CEP112: variants seen among roughly 807,000 people sequenced by gnomAD.
The protein encoded by CEP112 is centrosomal protein 112.
In CEP112, 127 loss-of-function variants were observed where a neutral mutation model predicts 153.0. The observed-to-expected ratio is 0.83, with a 90% CI of 0.72 to 0.96. The LOEUF is 0.96. CEP112 is among the 40% of genes least tolerant of loss of function. The pLI, the probability that CEP112 is intolerant of heterozygous loss-of-function variation, is 0.00. For synonymous variants in CEP112, 358 were observed against 374.4 expected (o/e 0.96, Z 0.51); for missense variants, 1,089 against 1,101.2 (o/e 0.99, Z 0.16).
chr17:65,722,826 T>C (rs2049969218), intron 23 of CEP112, among the ~76,000 whole-genome samples: 1 of 152,164 alleles, frequency 6.6e-6, no homozygotes, highest in Non-Finnish European at 1.5e-5. Context: ...AAATGGGGCA[T>C]AGGATCTGAA....
intron 23 of CEP112, among the ~76,000 whole-genome samples, chr17:65,701,632 A>G (rs1466489717): frequency 2.0e-5 from 3 of 152,120 alleles, no homozygotes; most frequent in Non-Finnish European, 4.4e-5. Context: ...GATCGCACAA[A>G]TCCTCTAATC....
intron 23 of CEP112, among the ~76,000 whole-genome samples, chr17:65,730,245 C>T (rs574222755): frequency 6.6e-6 from 1 of 152,258 alleles, no homozygotes; most frequent in Non-Finnish European, 1.5e-5. Context: ...CGGAGGGAAG[C>T]TTTGGGGTAA....
intron 20 of CEP112, among the ~76,000 whole-genome samples, chr17:65,855,017 T>C (rs2058079754): frequency 6.6e-6 from 1 of 152,152 alleles, no homozygotes; most frequent in African/African-American, 2.4e-5. Flanking sequence ...GCTGGCTCCC[T>C]TCCCCAAAAT....
intron 16 of CEP112, among the ~76,000 whole-genome samples, chr17:66,025,920 T>TATACACACACACACACACAC (rs1555773330): frequency 8.0e-6 from 1 of 124,520 alleles, no homozygotes; most frequent in Non-Finnish European, 1.7e-5. Flanking sequence ...AAATGTGGCA[T>TATACACACACACACACACAC]ACACACACAC....
intron 8 of CEP112, among the ~76,000 whole-genome samples, chr17:66,074,487 A>G (rs779443971): frequency 2.6e-5 from 4 of 152,210 alleles, no homozygotes; most frequent in Non-Finnish European, 5.9e-5. Context: ...CTTAGAGAAC[A>G]AGATGCTCAA....
intron 4 of CEP112, among the ~76,000 whole-genome samples, chr17:66,150,364 A>T (rs1455156788): frequency 1.3e-5 from 2 of 150,800 alleles, no homozygotes; most frequent in African/African-American, 2.4e-5. Context: ...TGCCCAGCTA[A>T]TTTTTTTTTG....
At chr17:65,667,925 C>T in intron 24 of CEP112, among the ~76,000 whole-genome samples, 1 of 148,390 alleles carries the variant, frequency 6.7e-6, no homozygotes, top group Non-Finnish European at 1.5e-5. Flanking sequence ...GAGACTGAGT[C>T]TCGCTGTGTC....
intron 20 of CEP112, among the ~76,000 whole-genome samples, chr17:65,887,727 C>T (rs765378082): frequency 6.6e-6 from 1 of 152,142 alleles, no homozygotes; most frequent in Non-Finnish European, 1.5e-5. Flanking sequence ...GTGCCCCCAA[C>T]CCAGAGAGAG....
chr17:66,176,229 C>T (rs1201620730), intron 3 of CEP112, among the ~76,000 whole-genome samples: 2 of 152,116 alleles, frequency 1.3e-5, no homozygotes, highest in Admixed American at 1.3e-4. Flanking sequence ...CCTAGTACTC[C>T]AGATTTCTTA....
At chr17:65,975,292 TAAG>T (rs752595641) in intron 17 of CEP112, among the ~76,000 whole-genome samples, 3 of 152,090 alleles carry the variant, frequency 2.0e-5, no homozygotes, top group Admixed American at 6.5e-5. Context: ...ATAAAACATA[TAAG>T]AAGAATAAAA....
chr17:65,845,674 T>C (rs1408915279), intron 21 of CEP112, among the ~76,000 whole-genome samples: 1 of 152,218 alleles, frequency 6.6e-6, no homozygotes, highest in Non-Finnish European at 1.5e-5. Context: ...CAAAGTTTAA[T>C]CAAACTTCTG....
intron 24 of CEP112, among the ~76,000 whole-genome samples, chr17:65,658,039 G>A (rs994406870): frequency 2.6e-5 from 4 of 152,216 alleles, no homozygotes; most frequent in Admixed American, 2.0e-4. Flanking sequence ...CCTTATATGT[G>A]CCAGATACTG....
chr17:65,751,994 C>G (rs564603846), intron 21 of CEP112, among the ~76,000 whole-genome samples: 1 of 139,026 alleles, frequency 7.2e-6, no homozygotes, highest in Non-Finnish European at 1.6e-5. Flanking sequence ...ATCTATCTAT[C>G]TATCTATCTA....
intron 20 of CEP112, among the ~76,000 whole-genome samples, chr17:65,897,855 C>T (rs2059710267): frequency 6.6e-6 from 1 of 151,854 alleles, no homozygotes; most frequent in African/African-American, 2.4e-5. Context: ...TTATATTGGT[C>T]AATGTCCTTT....
intron 21 of CEP112, among the ~76,000 whole-genome samples, chr17:65,799,989 C>T (rs919347553): frequency 2.0e-5 from 3 of 152,054 alleles, no homozygotes; most frequent in African/African-American, 7.3e-5. Flanking sequence ...TACATAATTC[C>T]TCGGAAACTA....
intron 21 of CEP112, among the ~76,000 whole-genome samples, chr17:65,751,714 T>C (rs1244955425): frequency 1.3e-5 from 2 of 152,210 alleles, no homozygotes; most frequent in Non-Finnish European, 2.9e-5. Flanking sequence ...TACCTAAAAC[T>C]TTATATTCTG....
intron 17 of CEP112, among the ~76,000 whole-genome samples, chr17:65,988,789 G>A (rs956048582): frequency 6.6e-6 from 1 of 152,122 alleles, no homozygotes; most frequent in African/African-American, 2.4e-5. Context: ...AATTATCTTA[G>A]AAGACAAAAT....
intron 21 of CEP112, among the ~76,000 whole-genome samples, chr17:65,812,925 C>A (rs368753012): frequency 6.6e-6 from 1 of 152,104 alleles, no homozygotes; most frequent in African/African-American, 2.4e-5. Context: ...AAAACAAAAG[C>A]AAACATTGCT....
intron 11 of CEP112, among the ~76,000 whole-genome samples, chr17:66,056,084 T>G (rs2066672711): frequency 6.6e-6 from 1 of 152,172 alleles, no homozygotes; most frequent in African/African-American, 2.4e-5. Context: ...TTGCTGGAGT[T>G]TATGAAACCA....
Sources: allele counts gnomAD v4.1 joint callset (sites outside exome capture counted in the v4.1 genomes callset), GRCh38; gene constraint gnomAD v4.1.1; transcripts MANE v1.5; gene names NCBI Gene and HGNC (gene_info 2026-07-23, HGNC 2026-07-21).